WDR7: variants seen among roughly 807,000 people sequenced by gnomAD.
WDR7 encodes WD repeat domain 7, also known as WD repeat-containing protein 7.
In WDR7, 46 loss-of-function variants were observed where a neutral mutation model predicts 169.4. The observed-to-expected ratio is 0.27, with a 90% CI of 0.21 to 0.35. WDR7 has a LOEUF of 0.35. WDR7 is among the 10% of genes least tolerant of loss of function. The probability of loss-of-function intolerance (pLI) is 1.00; values close to 1 mark genes in which losing one functional copy is unlikely to be tolerated. For missense variants in WDR7, 1,534 were observed against 1,859.3 expected, an observed-to-expected ratio of 0.83 and a Z score of 3.22; for synonymous variants, 612 against 666.8, an observed-to-expected ratio of 0.92 and a Z score of 1.27.
chr18:56,818,404 T>A (rs1306162459), intron 20 of WDR7, among the ~76,000 whole-genome samples: 1 of 152,180 alleles, frequency 6.6e-6, no homozygotes, highest in Admixed American at 6.5e-5. Flanking sequence ...ATTTGAAGAG[T>A]CTATTAATGC....
At chr18:56,780,558 C>T (rs2044302931) in intron 18 of WDR7, among the ~76,000 whole-genome samples, 1 of 152,062 alleles carries the variant, frequency 6.6e-6, no homozygotes, top group Admixed American at 6.6e-5. Flanking sequence ...GTGGGTCATG[C>T]CTGTAATCCC....
intron 13 of WDR7, among the ~76,000 whole-genome samples, chr18:56,728,831 G>A (rs1255277980): frequency 6.6e-6 from 1 of 152,142 alleles, no homozygotes; most frequent in African/African-American, 2.4e-5. Context: ...GCTAAACCCT[G>A]TGCCAAGCTG....
intron 20 of WDR7, among the ~76,000 whole-genome samples, chr18:56,832,239 C>T (rs895708101): frequency 3.3e-5 from 5 of 152,162 alleles, no homozygotes; most frequent in African/African-American, 1.2e-4. Context: ...TTGGACTGGG[C>T]GGAGCCCACC....
In WDR7 at chr18:56,682,871, G is replaced by T. The variant is rs758305816; in HGVS notation, c.520+18G>T. On this transcript the variant is annotated intron_variant, in intron 5 of 27. Transcript: ENST00000254442. ...AACACAAGGTCAGTGTATTATGCCT[G>T]TTAGGAGCTTTAGCACCATGACTTA... is the stretch of plus-strand genomic sequence containing the variant. The T allele has an allele frequency of 3.1e-6, 5 of 1,607,494 alleles. No homozygotes were observed. Among genetic ancestry groups the T allele is most frequent in the Non-Finnish European group, 3.4e-6 (4 of 1,177,364 alleles).
At chr18:56,908,495 A>G (rs1028381105) in intron 21 of WDR7, among the ~76,000 whole-genome samples, 19 of 152,212 alleles carry the variant, frequency 1.2e-4, no homozygotes, top group Non-Finnish European at 1.9e-4. Context: ...TCCTTTGCAG[A>G]TAGCATCCTA....
intron 16 of WDR7, among the ~76,000 whole-genome samples, chr18:56,763,184 C>G (rs1490744171): frequency 6.6e-6 from 1 of 152,124 alleles, no homozygotes; most frequent in African/African-American, 2.4e-5. Context: ...TGGTCTTGAG[C>G]TCCTGACCTC....
intron 25 of WDR7, among the ~76,000 whole-genome samples, chr18:56,939,919 A>G (rs2040008728): frequency 1.3e-5 from 2 of 151,178 alleles, no homozygotes; most frequent in African/African-American, 4.8e-5. Flanking sequence ...AAGTATAACT[A>G]TAAATTATAT....
intron 14 of WDR7, among the ~76,000 whole-genome samples, chr18:56,745,243 G>C (rs974049356): frequency 6.6e-5 from 10 of 152,168 alleles, no homozygotes; most frequent in Admixed American, 6.5e-4. Context: ...AACAGCATTT[G>C]AAAGCCCACA....
chr18:56,694,908 T>C lies in WDR7; in HGVS notation c.1109-42T>C, dbSNP rs746088190. ...TTAATGTTTTAAATTTTTTTTAACA[T>C]GCACAAATGTTTTTCTTTTATACAA... On this transcript the variant is annotated intron_variant, in intron 10 of 27. Transcript: ENST00000254442. 3.2e-6 allele frequency: 5 copies of C among 1,564,848 alleles called. No homozygotes were observed. The South Asian group carries it at 4.8e-5, about 15-fold the overall frequency.
chr18:56,991,143 A>ATTTTTTTTTTTTTTT, intron 26 of WDR7, among the ~76,000 whole-genome samples: 1 of 110,734 alleles, frequency 9.0e-6, no homozygotes, highest in Non-Finnish European at 1.7e-5. Context: ...CCTTCTCCTC[A>ATTTTTTTTTTTTTTT]TTTTTTTTTT....
rs777462519 is a variant in WDR7 at position 57,023,618 on chromosome 18, G to T, written c.4269+2769G>T. Among the ~76,000 whole-genome samples the T allele has an allele frequency of 2.0e-4, 31 of 152,234 alleles. 1 individual carries two copies. Among genetic ancestry groups the T allele is most frequent in the Admixed American group, 2.0e-3 (31 of 15,284 alleles). On this transcript the variant is annotated intron_variant, in intron 27 of 27. Coordinates refer to ENST00000254442, the MANE Select transcript of WDR7 (RefSeq NM_015285.3). ...GAAGAAAAAAGCCAAAGTTACACTTGAGTGAATTTACATTCTCATCTATCA... is the reference window on the plus strand; with the variant it reads ...GAAGAAAAAAGCCAAAGTTACACTTTAGTGAATTTACATTCTCATCTATCA...
At chr18:56,996,123 T>C (rs1444024798) in intron 26 of WDR7, among the ~76,000 whole-genome samples, 1 of 152,194 alleles carries the variant, frequency 6.6e-6, no homozygotes, top group Non-Finnish European at 1.5e-5. Context: ...GACTGTGATC[T>C]CTTCTTACCC....
At chr18:56,900,110 A>ATATATATATATATATATATATATATAT (rs1568256012) in intron 21 of WDR7, among the ~76,000 whole-genome samples, 1 of 147,772 alleles carries the variant, frequency 6.8e-6, no homozygotes, top group Non-Finnish European at 1.5e-5. Context: ...ATATATATAT[A>ATATATATATATATATATATATATATAT]AAATTGTTAA....
At chr18:56,845,041 T>C (rs2045546713) in intron 20 of WDR7, among the ~76,000 whole-genome samples, 1 of 152,196 alleles carries the variant, frequency 6.6e-6, no homozygotes, top group South Asian at 2.1e-4. Context: ...GATTTGGTGC[T>C]ATCTGAGGTT....
intron 16 of WDR7, among the ~76,000 whole-genome samples, chr18:56,763,387 T>A (rs2044010845): frequency 6.6e-6 from 1 of 152,216 alleles, no homozygotes; most frequent in Non-Finnish European, 1.5e-5. Flanking sequence ...TTTTGTCTTT[T>A]ATTTTCTTAA....
Position 56,924,078 on chromosome 18 carries a change from T to G in WDR7, c.3683T>G (p.Leu1228Arg). The change falls in exon 22 of 28, where the codon CTT becomes CGT. Residue 1228 changes from leucine to arginine, a missense_variant. Physicochemically the swap from Leu to Arg is moderately radical, Grantham distance 102. Coordinates refer to ENST00000254442, the MANE Select transcript of WDR7 (RefSeq NM_015285.3). ...VSAVLMGLLE[L>R]CADAEKQLAN... ...GCTGTTCTGATGGGGCTTCTCGAACTTTGTGCCGATGCCGAGAAACAACTT... is the reference window on the plus strand; with the variant it reads ...GCTGTTCTGATGGGGCTTCTCGAACGTTGTGCCGATGCCGAGAAACAACTT... The G allele has an allele frequency of 6.2e-7, 1 of 1,612,758 alleles. No individual in the cohort carries two copies. Among genetic ancestry groups the G allele is most frequent in the South Asian group, 1.1e-5 (1 of 90,606 alleles).
At chr18:56,889,231 A>G (rs533012532) in intron 21 of WDR7, among the ~76,000 whole-genome samples, 6 of 152,324 alleles carry the variant, frequency 3.9e-5, no homozygotes, top group African/African-American at 1.4e-4. Flanking sequence ...ATGCTACTAA[A>G]TTACGTGTGT....
At chr18:56,926,768 T>A (rs907201804) in intron 22 of WDR7, among the ~76,000 whole-genome samples, 1 of 152,226 alleles carries the variant, frequency 6.6e-6, no homozygotes, top group African/African-American at 2.4e-5. Context: ...CATGATAAAT[T>A]GCATAATAAG....
chr18:56,778,973 C>T (rs902914521), intron 17 of WDR7, among the ~76,000 whole-genome samples: 10 of 152,282 alleles, frequency 6.6e-5, no homozygotes, highest in African/African-American at 2.4e-4. Flanking sequence ...TCTCTTTTGG[C>T]TGACACAGTG....
Sources: gnomAD v4.1 joint callset for allele counts (sites outside exome capture counted in the v4.1 genomes callset) on GRCh38, gnomAD v4.1.1 for gene constraint, MANE v1.5 for transcripts, NCBI Gene and HGNC (gene_info 2026-07-23, HGNC 2026-07-21) for gene names.